MILR1: variants seen among roughly 807,000 people sequenced by gnomAD.
The protein encoded by MILR1 is allergin-1.
In MILR1, 31 loss-of-function variants were observed where a neutral mutation model predicts 18.5. That is an observed-to-expected ratio of 1.68 (90% CI 1.26 to 2.26). The LOEUF is 2.26. Ranked by LOEUF, MILR1 falls within the 30% of genes most tolerant of loss-of-function variation. The pLI is 0.00. For synonymous variants in MILR1, 85 were observed against 56.2 expected, an observed-to-expected ratio of 1.51 and a Z score of -2.30; for missense variants, 257 against 157.4, an observed-to-expected ratio of 1.63 and a Z score of -3.38.
At chr17:64,478,617 G>A in the MILR1 span, among the ~76,000 whole-genome samples, 1 of 152,066 alleles carries the variant, frequency 6.6e-6, no homozygotes, top group Non-Finnish European at 1.5e-5. Context: ...GAATAGTATG[G>A]CTGGGCGTGG....
intron 6 of MILR1, among the ~76,000 whole-genome samples, 192 bp downstream of exon 6, chr17:64,465,733 A>G (rs1306198063): frequency 6.6e-6 from 1 of 152,312 alleles, no homozygotes; most frequent in Non-Finnish European, 1.5e-5. Context: ...CTGTGTGTAT[A>G]ATAAACAAAT....
intron 2 of MILR1, among the ~76,000 whole-genome samples, chr17:64,451,658 G>T (rs966795243): frequency 2.6e-5 from 4 of 151,988 alleles, no homozygotes; most frequent in Non-Finnish European, 5.9e-5. Flanking sequence ...ATATGGCGGG[G>T]CACAGTGACT....
chr17:64,496,756 C>T, the MILR1 span: 14 of 1,613,946 alleles, frequency 8.7e-6, no homozygotes, highest in Non-Finnish European at 1.2e-5. Flanking sequence ...TCTGACAGAT[C>T]TCTAACAGCG....
At chr17:64,476,642 T>C in the MILR1 span, among the ~76,000 whole-genome samples, 1 of 152,112 alleles carries the variant, frequency 6.6e-6, no homozygotes, top group African/African-American at 2.4e-5. Flanking sequence ...ATAGAATTAG[T>C]ACAATTATAT....
chr17:64,491,839 C>T, the MILR1 span: 1 of 410,822 alleles, frequency 2.4e-6, no homozygotes, highest in East Asian at 5.9e-5. Context: ...TGCAACCCCT[C>T]CATAAGCAAC....
At chr17:64,491,737 AC>A in the MILR1 span, 59 of 801,538 alleles carry the variant, frequency 7.4e-5, no homozygotes, top group Non-Finnish European at 1.2e-4. Context: ...CTCTTCATCT[AC>A]TGCCTTTCCT....
chr17:64,475,751 T>TAA, the MILR1 span, among the ~76,000 whole-genome samples: 1 of 150,744 alleles, frequency 6.6e-6, no homozygotes, highest in Non-Finnish European at 1.5e-5. Context: ...CTTGAGGTAT[T>TAA]AATCAATGGT....
chr17:64,464,283 A>ATT (rs1296195048), intron 5 of MILR1, among the ~76,000 whole-genome samples: 9 of 133,998 alleles, frequency 6.7e-5, no homozygotes, highest in African/African-American at 2.5e-4. Context: ...TGCCTGGCTA[A>ATT]TTTTTTTTTT....
the MILR1 span, among the ~76,000 whole-genome samples, chr17:64,483,391 T>G: frequency 4.6e-5 from 7 of 151,928 alleles, no homozygotes; most frequent in Admixed American, 3.3e-4. Context: ...GGCGCATACC[T>G]GTAGTCCCAG....
At chr17:64,496,668 G>C in the MILR1 span, 1 of 1,613,992 alleles carries the variant, frequency 6.2e-7, no homozygotes, top group South Asian at 1.1e-5. Context: ...ACGCCCAAGG[G>C]TCCGAAGCCG....
chr17:64,483,206 G>A, the MILR1 span, among the ~76,000 whole-genome samples: 154 of 152,264 alleles, frequency 1.0e-3, no homozygotes, highest in African/African-American at 3.6e-3. Flanking sequence ...TCTCCACTTA[G>A]ATGTTTGGCA....
intron 4 of MILR1, among the ~76,000 whole-genome samples, chr17:64,459,570 T>G (rs1048257907): frequency 0.016 from 2,429 of 152,288 alleles, 71 homozygotes; most frequent in African/African-American, 0.055. Flanking sequence ...GTGAGTGTGG[T>G]CTAACAAGTG....
intron 4 of MILR1, among the ~76,000 whole-genome samples, chr17:64,460,487 G>A (rs961129015): frequency 1.9e-3 from 282 of 152,178 alleles, no homozygotes; most frequent in African/African-American, 6.4e-3. Context: ...ATAGGCACAT[G>A]CCATCACACC....
chr17:64,474,797 C>A, the MILR1 span, among the ~76,000 whole-genome samples: 1 of 152,026 alleles, frequency 6.6e-6, no homozygotes, highest in African/African-American at 2.4e-5. Context: ...AGTATGGTGT[C>A]CACTTTTTTC....
At chr17:64,481,648 G>A in the MILR1 span, among the ~76,000 whole-genome samples, 464 of 152,108 alleles carry the variant, frequency 3.1e-3, 2 homozygotes, top group African/African-American at 0.01. Context: ...CGAGGTGGGC[G>A]GATCACTTGA....
chr17:64,496,819 G>C, the MILR1 span: 1 of 1,613,410 alleles, frequency 6.2e-7, no homozygotes, highest in Non-Finnish European at 8.5e-7. Context: ...CGTTCCCCTC[G>C]AGCTCCGCGT....
intron 3 of MILR1, among the ~76,000 whole-genome samples, chr17:64,453,928 ATTTCTTTT>A (rs1190549177): frequency 1.3e-5 from 2 of 151,548 alleles, no homozygotes; most frequent in East Asian, 1.9e-4. Flanking sequence ...GTTTTATTTT[ATTTCTTTT>A]TTTCTTTTTT....
At chr17:64,449,947 T>TTTC (rs1555660533) in intron 2 of MILR1, among the ~76,000 whole-genome samples, 2,450 of 33,304 alleles carry the variant, frequency 0.074, 58 homozygotes, top group African/African-American at 0.16. Context: ...TCTTTCTTTC[T>TTTC]TTTTTTTTTT....
At chr17:64,479,942 C>T in the MILR1 span, among the ~76,000 whole-genome samples, 1 of 152,156 alleles carries the variant, frequency 6.6e-6, no homozygotes, top group African/African-American at 2.4e-5. Flanking sequence ...TCAGAATGGA[C>T]CACAATGCCA....
Sources: gnomAD v4.1 joint callset for allele counts (sites outside exome capture counted in the v4.1 genomes callset) on GRCh38, gnomAD v4.1.1 for gene constraint, MANE v1.5 for transcripts, NCBI Gene and HGNC (gene_info 2026-07-23, HGNC 2026-07-21) for gene names.